Variants in ZNF469 observed in about 807,000 individuals in gnomAD.
ZNF469 encodes the protein zinc finger protein 469.
A neutral mutation model predicts 1.0 loss-of-function variants in ZNF469; 1 was observed. That is an observed-to-expected ratio of 1.00 (90% confidence interval 0.35 to 4.73). ZNF469 has a LOEUF of 4.73. Among genes scored for constraint, ZNF469 ranks in the 30% most tolerant of loss-of-function variants. The pLI is 0.16. For missense variants in ZNF469, 6,100 were observed against 5,356.3 expected, an observed-to-expected ratio of 1.14 and a Z score of -4.33; for synonymous variants, 2,703 against 2,363.4, an observed-to-expected ratio of 1.14 and a Z score of -4.17.
chr16:88,111,860 C>G, the ZNF469 span, among the ~76,000 whole-genome samples: 1 of 152,224 alleles, frequency 6.6e-6, no homozygotes, highest in South Asian at 2.1e-4. Flanking sequence ...TGGTCTCGAT[C>G]TACTGACCTT....
chr16:88,256,070 C>T, the ZNF469 span, among the ~76,000 whole-genome samples: 1 of 152,198 alleles, frequency 6.6e-6, no homozygotes, highest in African/African-American at 2.4e-5. Context: ...GATGCTCCTG[C>T]TCTGTCATAC....
At chr16:88,289,721 C>T in the ZNF469 span, among the ~76,000 whole-genome samples, 1 of 152,134 alleles carries the variant, frequency 6.6e-6, no homozygotes, top group Admixed American at 6.5e-5. Flanking sequence ...TGAATGTGTT[C>T]CTAAGCTCTC....
the ZNF469 span, among the ~76,000 whole-genome samples, chr16:88,285,070 C>A: frequency 6.6e-6 from 1 of 152,260 alleles, no homozygotes; most frequent in Non-Finnish European, 1.5e-5. Flanking sequence ...GCGCATTGCC[C>A]ATGCCTGGCC....
At chr16:88,166,958 G>A in the ZNF469 span, among the ~76,000 whole-genome samples, 15 of 152,112 alleles carry the variant, frequency 9.9e-5, no homozygotes, top group Admixed American at 7.9e-4. This position sits in a 1 kb window ranked among gnomAD's most constrained non-coding sequence, Gnocchi z 4.5. Flanking sequence ...GCGAGCTCAC[G>A]GTGTGCAGGT....
chr16:88,260,622 C>G, the ZNF469 span, among the ~76,000 whole-genome samples: 1 of 152,198 alleles, frequency 6.6e-6, no homozygotes, highest in Non-Finnish European at 1.5e-5. This position sits in a 1 kb window ranked among gnomAD's most constrained non-coding sequence, Gnocchi z 4.1. Flanking sequence ...TCTTCTCAAT[C>G]ATGCTCGCGG....
chr16:88,369,577 C>T, the ZNF469 span, among the ~76,000 whole-genome samples: 1 of 152,244 alleles, frequency 6.6e-6, no homozygotes, highest in Non-Finnish European at 1.5e-5. Context: ...CCTCTCTGAG[C>T]CCAGCTCCCT....
the ZNF469 span, chr16:88,302,511 T>C: frequency 2.0e-5 from 3 of 152,224 alleles, no homozygotes; most frequent in Non-Finnish European, 2.9e-5. Context: ...GGAGAACGTG[T>C]TCCGGCCACC....
At chr16:88,272,813 G>A in the ZNF469 span, among the ~76,000 whole-genome samples, 1 of 150,716 alleles carries the variant, frequency 6.6e-6, no homozygotes, top group African/African-American at 2.5e-5. Context: ...TAGACGAGTG[G>A]GCAGATGGAT....
chr16:88,264,912 C>G, the ZNF469 span, among the ~76,000 whole-genome samples: 1 of 152,158 alleles, frequency 6.6e-6, no homozygotes, highest in Non-Finnish European at 1.5e-5. Context: ...CGTGGCCTCT[C>G]CCCCATGTCC....
chr16:88,155,818 G>T, the ZNF469 span, among the ~76,000 whole-genome samples: 1 of 152,352 alleles, frequency 6.6e-6, no homozygotes, highest in South Asian at 2.1e-4. Context: ...GCACGGAGGA[G>T]TGGAATTGCT....
the ZNF469 span, among the ~76,000 whole-genome samples, chr16:88,165,233 C>T: frequency 2.6e-5 from 4 of 152,246 alleles, no homozygotes; most frequent in African/African-American, 9.6e-5. Flanking sequence ...CCCCAAAAGG[C>T]TGCCTGTCAC....
the ZNF469 span, among the ~76,000 whole-genome samples, chr16:88,203,404 G>A: frequency 6.6e-6 from 1 of 152,182 alleles, no homozygotes; most frequent in Admixed American, 6.5e-5. Context: ...GGCGGCGCCT[G>A]CCTCCTCTCC....
chr16:88,165,213 G>C, the ZNF469 span, among the ~76,000 whole-genome samples: 2 of 152,212 alleles, frequency 1.3e-5, no homozygotes, highest in East Asian at 3.9e-4. Flanking sequence ...GCATTTCACT[G>C]GAGTCATCTC....
rs1412045916 is a variant in ZNF469 at position 88,427,925 on chromosome 16, C to A, written c.455C>A (p.Thr152Asn). 6.5e-7 allele frequency: 1 copy of A among 1,549,862 alleles called. No individual in the cohort carries two copies. Among genetic ancestry groups the A allele is most frequent in the South Asian group, 1.2e-5 (1 of 84,058 alleles). Reference protein sequence around the residue: ...LEAAQLPEVDTPQGPGTGAPL... With the variant: ...LEAAQLPEVDNPQGPGTGAPL... ...GCTGCCCAGCTCCCTGAGGTGGACA[C>A]CCCCCAGGGCCCTGGGACTGGAGCT... The change falls in exon 3 of 3, where the codon ACC becomes AAC. Residue 152 changes from threonine (T) to asparagine (N), a missense_variant. By Grantham distance (65) the Thr-to-Asn change is moderately conservative (BLOSUM62 0). Coordinates refer to ENST00000565624, the MANE Select transcript of ZNF469 (RefSeq NM_001367624.2).
At chr16:88,103,685 C>G in the ZNF469 span, among the ~76,000 whole-genome samples, 1 of 152,100 alleles carries the variant, frequency 6.6e-6, no homozygotes, top group Non-Finnish European at 1.5e-5. Context: ...GTAGAATAAT[C>G]CTCCGTGGCA....
chr16:88,378,157 A>C (rs1051501502), upstream of ZNF469, among the ~76,000 whole-genome samples: 4 of 152,054 alleles, frequency 2.6e-5, no homozygotes, highest in Non-Finnish European at 5.9e-5. Context: ...CCCTCCTGAC[A>C]GGTGGGCGCC....
chr16:88,345,618 C>T, the ZNF469 span, among the ~76,000 whole-genome samples: 2 of 152,148 alleles, frequency 1.3e-5, no homozygotes, highest in African/African-American at 4.8e-5. Context: ...TCCCCTCTGC[C>T]CGTGGGGTCG....
the ZNF469 span, among the ~76,000 whole-genome samples, chr16:88,181,049 C>T: frequency 6.6e-6 from 1 of 150,828 alleles, no homozygotes; most frequent in Non-Finnish European, 1.5e-5. Context: ...TTAAGCAATA[C>T]TTTCAATATT....
intron 1 of ZNF469, among the ~76,000 whole-genome samples, chr16:88,399,882 T>A (rs1200191525): frequency 3.9e-5 from 6 of 152,222 alleles, no homozygotes; most frequent in Admixed American, 2.0e-4. Flanking sequence ...TCCGCAGGGC[T>A]CTACCCAGGG....
Sources: gnomAD v4.1 joint callset for allele counts (sites outside exome capture counted in the v4.1 genomes callset) on GRCh38, gnomAD v4.1.1 for gene constraint, Gnocchi (gnomAD v3.1) non-coding constraint, MANE v1.5 for transcripts, NCBI Gene and HGNC (gene_info 2026-07-23, HGNC 2026-07-21) for gene names.